CLHC1: variants seen among roughly 807,000 people sequenced by gnomAD.
The protein encoded by CLHC1 is clathrin heavy chain linker domain-containing protein 1.
Under a neutral mutation model 69.5 loss-of-function variants are expected in CLHC1, and 72 were observed. The observed-to-expected ratio is 1.04, with a 90% CI of 0.86 to 1.26. The LOEUF (loss-of-function observed/expected upper bound fraction) is 1.26, where lower values mean the gene tolerates loss of function less well. Ranked by LOEUF, CLHC1 falls within the 50% of genes most tolerant of loss-of-function variation. The pLI, the probability that CLHC1 is intolerant of heterozygous loss-of-function variation, is 0.00. For synonymous variants in CLHC1, 223 were observed against 224.3 expected (o/e 0.99, Z 0.05); for missense variants, 790 against 679.3 (o/e 1.16, Z -1.81).
At chr2:55,200,597 C>G (rs1373157037) in intron 9 of CLHC1, among the ~76,000 whole-genome samples, 1 of 152,152 alleles carries the variant, frequency 6.6e-6, no homozygotes, top group African/African-American at 2.4e-5. Context: ...ATTCAACACC[C>G]TCACTTTCAG....
At chr2:55,224,685 GA>G in intron 2 of CLHC1, 1 of 243,140 alleles carries the variant, frequency 4.1e-6, no homozygotes. Flanking sequence ...GAGAAGCTGA[GA>G]AAGGAAGACT....
intron 3 of CLHC1, among the ~76,000 whole-genome samples, chr2:55,220,596 G>A (rs2043714): frequency 0.95 from 144,635 of 152,236 alleles, 68,806 homozygotes; most frequent in Admixed American, 0.98. Flanking sequence ...AACACCATAT[G>A]TTTTCTCTAG....
chr2:55,212,549 T>C (rs1366835473), intron 5 of CLHC1, 124 bp downstream of exon 5: 17 of 741,056 alleles, frequency 2.3e-5, no homozygotes, highest in Admixed American at 1.1e-4. Context: ...ACTAAAATTA[T>C]GTGTACAACA....
chr2:55,180,052 G>A (rs984844673), intron 11 of CLHC1, among the ~76,000 whole-genome samples: 7 of 152,144 alleles, frequency 4.6e-5, no homozygotes, highest in African/African-American at 1.7e-4. Context: ...TACTTGGGAG[G>A]CTGAGGCAGG....
intron 7 of CLHC1, 128 bp from the exon 8 acceptor site, chr2:55,208,838 A>C: frequency 1.8e-6 from 1 of 545,662 alleles, no homozygotes; most frequent in Non-Finnish European, 3.3e-6. Flanking sequence ...CTCTTCCTAA[A>C]CTTAGTGGCC....
At chr2:55,221,409 C>A (rs1674101183) in intron 3 of CLHC1, among the ~76,000 whole-genome samples, 1 of 152,182 alleles carries the variant, frequency 6.6e-6, no homozygotes, top group Non-Finnish European at 1.5e-5. Context: ...ATTTTCTAAG[C>A]TGATCTCCCT....
At chr2:55,203,572 C>A (rs1672162228) in intron 9 of CLHC1, among the ~76,000 whole-genome samples, 1 of 152,200 alleles carries the variant, frequency 6.6e-6, no homozygotes, top group South Asian at 2.1e-4. Flanking sequence ...AAGACAGTCT[C>A]TTCAGTAAAT....
At chr2:55,201,243 T>TAA (rs35586370) in intron 9 of CLHC1, among the ~76,000 whole-genome samples, 2 of 141,238 alleles carry the variant, frequency 1.4e-5, no homozygotes, top group Non-Finnish European at 3.1e-5. Context: ...ATGAAGAGTT[T>TAA]AAAAAAAAAA....
In CLHC1 at chr2:55,206,257, GA is replaced by G. The variant is rs1558488434; in HGVS notation, c.1006+12del. On this transcript the variant is annotated intron_variant, in intron 9 of 12. Transcript: ENST00000401408. ...TTTTCATACATATATAAGGTTCAGA[GA>G]GAAATGCTTACCCTTAAATGTATTC... 4 of 1,445,518 alleles carry G rather than the reference GA, an allele frequency of 2.8e-6. No homozygotes were observed. Among genetic ancestry groups the G allele is most frequent in the Non-Finnish European group, 3.9e-6 (4 of 1,028,882 alleles). The allele number at this position is 1,445,518 out of a possible 1,614,324, so 89.5% of individuals were successfully genotyped here.
chr2:55,188,638 T>C (rs767322890), intron 9 of CLHC1, among the ~76,000 whole-genome samples: 30 of 152,160 alleles, frequency 2.0e-4, no homozygotes, highest in Non-Finnish European at 4.3e-4. Context: ...CACCAGGATA[T>C]ATTTTCATAG....
chr2:55,181,922 A>G (rs924918507), intron 9 of CLHC1, among the ~76,000 whole-genome samples, 178 bp from the exon 10 acceptor site: 2 of 152,088 alleles, frequency 1.3e-5, no homozygotes, highest in Non-Finnish European at 2.9e-5. Flanking sequence ...ACTAAATATC[A>G]CGTGCCATGT....
In CLHC1 at chr2:55,180,623, T is replaced by C; in HGVS notation, c.1271A>G (p.Gln424Arg). ...CAGGCCACATTCACTGTAGACAATC[T>C]GAGCTAAAGCCAGGCACTTGGCCTT... ...YNKAKCLALA[Q>R]IVYSECGLHK... Residue 424 changes from glutamine to arginine, a missense_variant, in exon 11 of 13, where the codon CAG becomes CGG. Coordinates refer to ENST00000401408, the MANE Select transcript of CLHC1 (RefSeq NM_152385.4). 1 of 1,614,056 alleles carries C rather than the reference T, an allele frequency of 6.2e-7. No individual in the cohort carries two copies. Among genetic ancestry groups the C allele is most frequent in the Non-Finnish European group, 8.5e-7 (1 of 1,179,920 alleles).
intron 2 of CLHC1, among the ~76,000 whole-genome samples, chr2:55,227,475 C>G (rs944418735): frequency 2.0e-5 from 3 of 151,970 alleles, no homozygotes; most frequent in African/African-American, 7.3e-5. Context: ...ATCAGGAGTT[C>G]AAGACCAGTC....
chr2:55,231,853 C>T (rs991059349), intron 1 of CLHC1: 2 of 152,134 alleles, frequency 1.3e-5, no homozygotes, highest in African/African-American at 4.8e-5. Context: ...TTTGAAAACT[C>T]CTGAGATTTT....
At chr2:55,180,231 G>A (rs1669792936) in intron 11 of CLHC1, among the ~76,000 whole-genome samples, 2 of 151,896 alleles carry the variant, frequency 1.3e-5, no homozygotes, top group African/African-American at 2.4e-5. Context: ...TAGTATATCT[G>A]CTAAATCTAT....
intron 3 of CLHC1, among the ~76,000 whole-genome samples, chr2:55,219,243 A>C (rs746070409): frequency 6.6e-6 from 1 of 152,182 alleles, no homozygotes; most frequent in Non-Finnish European, 1.5e-5. Flanking sequence ...TAGGTAATAA[A>C]TATGTAGTGG....
At chr2:55,215,391 T>C (rs1673400952) in intron 4 of CLHC1, among the ~76,000 whole-genome samples, 2 of 152,204 alleles carry the variant, frequency 1.3e-5, no homozygotes, top group Non-Finnish European at 2.9e-5. Flanking sequence ...CCACTCTGCC[T>C]TCCATCTTTT....
At position 55,175,471 on chromosome 2, in the gene CLHC1, C is replaced by T. The variant is rs1000995837; in HGVS notation, c.*319G>A. On this transcript the variant is annotated 3_prime_UTR_variant, in exon 13 of 13. Transcript: ENST00000401408. The stretch of plus-strand genomic sequence containing the variant: ...CCACACCTTCCTCAGTTCTTGCTAT[C>T]ATATTACATCACCAGAAAGTAATAT... 1 of 244,336 alleles carries T rather than the reference C, an allele frequency of 4.1e-6. No individual in the cohort carries two copies. Among genetic ancestry groups the T allele is most frequent in the Non-Finnish European group, 8.0e-6 (1 of 124,954 alleles). 15.1% of individuals were successfully genotyped at this position (244,336 alleles called of 1,614,324 possible). A position where few individuals can be genotyped will look rare whatever the true frequency, so the allele number is the denominator to read the frequency against.
At chr2:55,218,837 G>A (rs1036588751) in intron 3 of CLHC1, among the ~76,000 whole-genome samples, 10 of 152,180 alleles carry the variant, frequency 6.6e-5, no homozygotes, top group African/African-American at 9.7e-5. Flanking sequence ...AGAATACAGA[G>A]AATAGACAGG....
Sources: gnomAD v4.1 joint callset for allele counts (sites outside exome capture counted in the v4.1 genomes callset) on GRCh38, gnomAD v4.1.1 for gene constraint, MANE v1.5 for transcripts, NCBI Gene and HGNC (gene_info 2026-07-23, HGNC 2026-07-21) for gene names.